ASIC2: variants seen among roughly 807,000 people sequenced by gnomAD.
ASIC2 encodes acid-sensing ion channel 2.
ASIC2 carries 25 observed loss-of-function variants against 57.3 expected under a neutral mutation model. The observed-to-expected ratio is 0.44, with a 90% CI of 0.32 to 0.61. The LOEUF (loss-of-function observed/expected upper bound fraction) is 0.61, where lower values mean the gene tolerates loss of function less well. ASIC2 is among the 20% of genes least tolerant of loss of function. The probability of loss-of-function intolerance (pLI) is 0.06; values close to 1 mark genes in which losing one functional copy is unlikely to be tolerated. For missense variants in ASIC2, 641 were observed against 738.1 expected (o/e 0.87, Z 1.52); for synonymous variants, 319 against 307.5 (o/e 1.04, Z -0.39).
At chr17:33,429,710 A>C (rs1432161537) in intron 1 of ASIC2, among the ~76,000 whole-genome samples, 2 of 152,180 alleles carry the variant, frequency 1.3e-5, no homozygotes, top group Non-Finnish European at 2.9e-5. Context: ...AGTTTTGAAC[A>C]AAATGAGATC....
chr17:33,593,260 T>C (rs890655721), intron 1 of ASIC2, among the ~76,000 whole-genome samples: 12 of 152,192 alleles, frequency 7.9e-5, no homozygotes, highest in African/African-American at 2.4e-4. Flanking sequence ...ATAAATGAAT[T>C]TTCCTCTTTC....
chr17:33,029,935 G>A (rs1166656439), intron 3 of ASIC2, among the ~76,000 whole-genome samples: 3 of 152,178 alleles, frequency 2.0e-5, no homozygotes, highest in Non-Finnish European at 4.4e-5. Flanking sequence ...TTTGTGAAAT[G>A]TCTGAGTTTT....
At chr17:33,405,808 C>T (rs1397464206) in intron 1 of ASIC2, among the ~76,000 whole-genome samples, 1 of 152,076 alleles carries the variant, frequency 6.6e-6, no homozygotes, top group Non-Finnish European at 1.5e-5. Context: ...CATATGTAAA[C>T]TAACCAGTTC....
chr17:33,888,010 T>C (rs4325614), intron 1 of ASIC2, among the ~76,000 whole-genome samples: 68,296 of 151,932 alleles, frequency 0.45, 15,617 homozygotes, highest in East Asian at 0.6. Flanking sequence ...CATTGTAAAG[T>C]GAAAAAATTG....
intron 1 of ASIC2, among the ~76,000 whole-genome samples, chr17:33,660,956 A>C (rs1215107460): frequency 6.6e-6 from 1 of 152,036 alleles, no homozygotes; most frequent in Non-Finnish European, 1.5e-5. Flanking sequence ...CTGGCTCCTT[A>C]ACCTTGAGCT....
chr17:33,394,455 TTTTG>T (rs905174266), intron 1 of ASIC2, among the ~76,000 whole-genome samples: 4 of 152,192 alleles, frequency 2.6e-5, no homozygotes, highest in Non-Finnish European at 5.9e-5. Context: ...TATGGATTTT[TTTTG>T]AAAGCCTCTC....
chr17:33,134,599 C>CT (rs1257219692), intron 1 of ASIC2, among the ~76,000 whole-genome samples: 2 of 152,236 alleles, frequency 1.3e-5, no homozygotes, highest in East Asian at 1.9e-4. Flanking sequence ...AGTTTCCCAG[C>CT]TTGCTGAAGC....
At chr17:33,145,587 AG>A (rs1904527829) in intron 1 of ASIC2, among the ~76,000 whole-genome samples, 2 of 152,240 alleles carry the variant, frequency 1.3e-5, no homozygotes, top group South Asian at 4.1e-4. Flanking sequence ...AACATTAAAT[AG>A]CCTTTGTTTC....
At chr17:33,119,808 G>A (rs913921996) in intron 1 of ASIC2, among the ~76,000 whole-genome samples, 3 of 152,202 alleles carry the variant, frequency 2.0e-5, no homozygotes, top group Non-Finnish European at 4.4e-5. Context: ...GAGATGAGGC[G>A]AATGTGACCG....
At chr17:33,646,460 T>A (rs1906743253) in intron 1 of ASIC2, among the ~76,000 whole-genome samples, 1 of 152,188 alleles carries the variant, frequency 6.6e-6, no homozygotes, top group South Asian at 2.1e-4. Flanking sequence ...CTTTCTGCCC[T>A]GGGTGGTATA....
chr17:33,773,897 G>A (rs1911190800), intron 1 of ASIC2, among the ~76,000 whole-genome samples: 1 of 151,976 alleles, frequency 6.6e-6, no homozygotes, highest in South Asian at 2.1e-4. Flanking sequence ...CAACTCCTGG[G>A]CTCAAGCAAT....
At chr17:33,952,342 A>G in intron 1 of ASIC2, among the ~76,000 whole-genome samples, 1 of 152,110 alleles carries the variant, frequency 6.6e-6, no homozygotes, top group East Asian at 1.9e-4. Context: ...GATGTCTGGA[A>G]CCTCAGTAGG....
At chr17:33,103,283 C>A (rs925789320) in intron 2 of ASIC2, among the ~76,000 whole-genome samples, 1 of 152,100 alleles carries the variant, frequency 6.6e-6, no homozygotes, top group Non-Finnish European at 1.5e-5. Context: ...AGGCACTTTT[C>A]TAAGCACTTC....
At chr17:33,762,865 A>G (rs1910827369) in intron 1 of ASIC2, among the ~76,000 whole-genome samples, 1 of 152,166 alleles carries the variant, frequency 6.6e-6, no homozygotes, top group Admixed American at 6.5e-5. Flanking sequence ...ACTCCTGGAG[A>G]GGAACCTCAG....
chr17:33,734,135 G>A (rs1232132056), intron 1 of ASIC2, among the ~76,000 whole-genome samples: 3 of 152,114 alleles, frequency 2.0e-5, no homozygotes, highest in African/African-American at 4.8e-5. Context: ...TCTGCGCCAG[G>A]CTCTCTGCCT....
intron 1 of ASIC2, chr17:33,794,892 C>T (rs1911871505): frequency 6.6e-6 from 1 of 152,188 alleles, no homozygotes; most frequent in African/African-American, 2.4e-5. Context: ...TAGTCCTTAG[C>T]TCTGTCTCTA....
intron 1 of ASIC2, among the ~76,000 whole-genome samples, chr17:34,124,259 G>A (rs1414686294): frequency 2.0e-5 from 3 of 152,152 alleles, no homozygotes; most frequent in Admixed American, 1.3e-4. Context: ...TGTAATGGGT[G>A]ACATCACTTA....
At chr17:33,818,241 G>C (rs990635392) in intron 1 of ASIC2, among the ~76,000 whole-genome samples, 1 of 152,184 alleles carries the variant, frequency 6.6e-6, no homozygotes, top group Non-Finnish European at 1.5e-5. Flanking sequence ...CTGCTACAAT[G>C]GGAATAAGAA....
intron 1 of ASIC2, among the ~76,000 whole-genome samples, chr17:33,762,234 C>A (rs918043598): frequency 6.6e-6 from 1 of 152,104 alleles, no homozygotes; most frequent in African/African-American, 2.4e-5. Flanking sequence ...AGGGGGGCAA[C>A]CACCACATTG....
Sources: allele counts gnomAD v4.1 joint callset (sites outside exome capture counted in the v4.1 genomes callset), GRCh38; gene constraint gnomAD v4.1.1; transcripts MANE v1.5; gene names NCBI Gene and HGNC (gene_info 2026-07-23, HGNC 2026-07-21).